Variants in SCN10A observed in about 807,000 individuals in gnomAD.
The protein encoded by SCN10A is sodium voltage-gated channel alpha subunit 10.
Under a neutral mutation model 170.7 loss-of-function variants are expected in SCN10A, and 162 were observed. That is an observed-to-expected ratio of 0.95 (90% CI 0.84 to 1.08). SCN10A has a LOEUF of 1.08. Among genes scored for constraint, SCN10A ranks in the 50% least tolerant of loss-of-function variants. SCN10A has a pLI of 0.00. For missense variants in SCN10A, 2,527 were observed against 2,436.9 expected (o/e 1.04, Z -0.78); for synonymous variants, 985 against 904.6 (o/e 1.09, Z -1.59).
At chr3:38,709,045 C>A (rs927448942) in intron 25 of SCN10A, among the ~76,000 whole-genome samples, 3 of 152,194 alleles carry the variant, frequency 2.0e-5, no homozygotes, top group African/African-American at 4.8e-5. Context: ...GAGGCACAAG[C>A]CTTCCTCCCC....
chr3:38,747,199 T>G (rs891949373), intron 13 of SCN10A, among the ~76,000 whole-genome samples: 1 of 152,176 alleles, frequency 6.6e-6, no homozygotes, highest in Non-Finnish European at 1.5e-5. Flanking sequence ...TCACAGCATC[T>G]TCCTTGAGGG....
intron 27 of SCN10A, among the ~76,000 whole-genome samples, chr3:38,699,881 A>G (rs959796753): frequency 2.6e-5 from 4 of 152,160 alleles, no homozygotes; most frequent in Admixed American, 1.3e-4. Flanking sequence ...GAGGGTAGAA[A>G]GATTGATATG....
intron 22 of SCN10A, among the ~76,000 whole-genome samples, chr3:38,712,710 C>T (rs1463203012): frequency 6.6e-6 from 1 of 152,204 alleles, no homozygotes; most frequent in East Asian, 1.9e-4. Context: ...GCATACTGCA[C>T]TCATTTAGAA....
chr3:38,758,006 C>T (rs1559448200), intron 8 of SCN10A, among the ~76,000 whole-genome samples: 3 of 152,144 alleles, frequency 2.0e-5, no homozygotes, highest in South Asian at 4.1e-4. Flanking sequence ...CGTTTGAAGT[C>T]CAGAATTATT....
At chr3:38,761,858 G>GAA (rs2063877949) in intron 6 of SCN10A, among the ~76,000 whole-genome samples, 2 of 137,296 alleles carry the variant, frequency 1.5e-5, no homozygotes, top group African/African-American at 5.2e-5. Context: ...GAGAGAGAGA[G>GAA]AGAGAGAAAG....
At chr3:38,755,233 T>A (rs904554981) in intron 11 of SCN10A, among the ~76,000 whole-genome samples, 3 of 151,264 alleles carry the variant, frequency 2.0e-5, no homozygotes, top group Non-Finnish European at 4.4e-5. Context: ...TATAAAATTG[T>A]GAAGTGTCAA....
At chr3:38,760,201 C>T (rs2063853192) in intron 8 of SCN10A, among the ~76,000 whole-genome samples, 1 of 152,166 alleles carries the variant, frequency 6.6e-6, no homozygotes, top group South Asian at 2.1e-4. Context: ...ACAAAAGGTA[C>T]ATTGTGTTGG....
chr3:38,757,946 C>T (rs2063828165), intron 8 of SCN10A, among the ~76,000 whole-genome samples: 1 of 152,314 alleles, frequency 6.6e-6, no homozygotes, highest in South Asian at 2.1e-4. Flanking sequence ...GCGTAAAGTG[C>T]TCTCATCCAC....
chr3:38,785,295 T>G (rs1007663840), intron 4 of SCN10A, among the ~76,000 whole-genome samples: 8 of 152,046 alleles, frequency 5.3e-5, no homozygotes, highest in African/African-American at 1.7e-4. Context: ...TCTAGACCAA[T>G]GGAACAGAAC....
intron 4 of SCN10A, among the ~76,000 whole-genome samples, chr3:38,780,815 G>A (rs2064130418): frequency 1.3e-5 from 2 of 152,074 alleles, no homozygotes; most frequent in Admixed American, 6.5e-5. Context: ...TTTGGCCCAG[G>A]GATTGCTAAC....
At chr3:38,700,391 T>G (rs932930266) in intron 27 of SCN10A, among the ~76,000 whole-genome samples, 3 of 152,200 alleles carry the variant, frequency 2.0e-5, no homozygotes, top group Admixed American at 1.3e-4. Context: ...TAGTTAGCAA[T>G]ACCGTGTTGT....
intron 1 of SCN10A, among the ~76,000 whole-genome samples, chr3:38,804,878 A>T (rs776016625): frequency 2.0e-5 from 3 of 152,146 alleles, no homozygotes; most frequent in African/African-American, 7.2e-5. Flanking sequence ...GGTAGCCAAA[A>T]ATGAAGGAGA....
In SCN10A at chr3:38,697,037, A is replaced by T. The variant is rs759930945; in HGVS notation, c.*312T>A. 1 of 350,814 alleles carries T rather than the reference A, an allele frequency of 2.9e-6. No homozygotes were observed. Among genetic ancestry groups the T allele is most frequent in the Non-Finnish European group, 5.3e-6 (1 of 189,270 alleles). The allele number at this position is 350,814 out of a possible 1,614,324, so 21.7% of individuals were successfully genotyped here. A position where few individuals can be genotyped will look rare whatever the true frequency, so the allele number is the denominator to read the frequency against. On this transcript the variant is annotated 3_prime_UTR_variant, in exon 28 of 28. Transcript: ENST00000449082. Reference sequence around the variant, plus strand: ...GTTCTGGTCCTGAGAAGTTTGTCTCAGTAAATATAATCTGATTACAACAAA... The same window carrying T: ...GTTCTGGTCCTGAGAAGTTTGTCTCTGTAAATATAATCTGATTACAACAAA...
At chr3:38,750,676 T>G (rs549697762) in intron 12 of SCN10A, among the ~76,000 whole-genome samples, 14 of 152,310 alleles carry the variant, frequency 9.2e-5, no homozygotes, top group African/African-American at 3.4e-4. Flanking sequence ...TTAAAGGACT[T>G]GCTAAATGTG....
chr3:38,701,739 A>G, intron 27 of SCN10A, 100 bp downstream of exon 27: 1 of 1,171,866 alleles, frequency 8.5e-7, no homozygotes, highest in Non-Finnish European at 1.2e-6. Context: ...ATAAACACGT[A>G]TTTCAAAAAG....
intron 20 of SCN10A, among the ~76,000 whole-genome samples, chr3:38,720,755 G>A (rs891344678): frequency 3.9e-5 from 6 of 152,160 alleles, no homozygotes; most frequent in African/African-American, 1.4e-4. Context: ...GAGCAAGGGA[G>A]AGCAGAGAAG....
intron 24 of SCN10A, 102 bp downstream of exon 24, chr3:38,710,742 C>T: frequency 1.7e-6 from 2 of 1,151,858 alleles, no homozygotes; most frequent in East Asian, 2.6e-5. Context: ...GGGTGATCGC[C>T]TCTTCCAGTA....
In SCN10A at chr3:38,728,768, C is replaced by A. The variant is rs779733116; in HGVS notation, c.2414G>T (p.Gly805Val). 56 of 1,614,018 alleles carry A rather than the reference C, an allele frequency of 3.5e-5. No homozygotes were observed. Among genetic ancestry groups the A allele is most frequent in the Non-Finnish European group, 4.6e-5 (54 of 1,180,032 alleles). Residue 805 changes from glycine (G) to valine (V), a missense_variant, in exon 16 of 28, where the codon GGC (glycine) becomes GTC (valine). Coordinates refer to ENST00000449082, the MANE Select transcript of SCN10A (RefSeq NM_006514.4). Reference sequence around the variant, plus strand: ...GTAGTTTTCCCCTAGGAGCTGCTTGCCAACCAGAGCAAAGACAAAGACAAT... The same window carrying A: ...GTAGTTTTCCCCTAGGAGCTGCTTGACAACCAGAGCAAAGACAAAGACAAT... The part of the protein sequence containing the change: ...AIIVFVFALV[G>V]KQLLGENYRN...
At chr3:38,701,757 G>T (rs994389859) in intron 27 of SCN10A, 82 bp downstream of exon 27, 21 of 1,381,808 alleles carry the variant, frequency 1.5e-5, no homozygotes, top group Non-Finnish European at 2.1e-5. Context: ...AAGTTGGTTG[G>T]TTATTTCCTT....
Sources: gnomAD v4.1 joint callset for allele counts (sites outside exome capture counted in the v4.1 genomes callset) on GRCh38, gnomAD v4.1.1 for gene constraint, MANE v1.5 for transcripts, NCBI Gene and HGNC (gene_info 2026-07-23, HGNC 2026-07-21) for gene names.